Variants in EPHB2 observed in about 807,000 individuals in gnomAD.
EPHB2 encodes the protein EPH receptor B2, also known as ephrin type-B receptor 2.
In EPHB2, 18 loss-of-function variants were observed where a neutral mutation model predicts 96.4. The ratio of observed to expected loss-of-function variants is 0.19; its 90% confidence interval spans 0.13 to 0.28. The LOEUF is 0.28. Among genes scored for constraint, EPHB2 ranks in the 10% least tolerant of loss-of-function variants. The pLI is 1.00. For missense variants in EPHB2, 989 were observed against 1,355.4 expected, an observed-to-expected ratio of 0.73 and a Z score of 4.25; for synonymous variants, 506 against 534.1, an observed-to-expected ratio of 0.95 and a Z score of 0.72.
intron 2 of EPHB2, among the ~76,000 whole-genome samples, chr1:22,782,051 A>G (rs902524545): frequency 2.0e-5 from 3 of 152,022 alleles, no homozygotes; most frequent in Non-Finnish European, 4.4e-5. Flanking sequence ...TTATCATCCT[A>G]GGGTCTATGC....
chr1:22,740,962 T>C (rs1419268396), intron 1 of EPHB2, among the ~76,000 whole-genome samples: 2 of 151,984 alleles, frequency 1.3e-5, no homozygotes, highest in African/African-American at 4.8e-5. Flanking sequence ...GCATGAGCCG[T>C]CCCTGCGATG....
At chr1:22,895,380 A>T in intron 7 of EPHB2, 92 bp from the exon 8 acceptor site, 2 of 1,206,380 alleles carry the variant, frequency 1.7e-6, no homozygotes, top group Non-Finnish European at 1.2e-6. Context: ...TAGGGATCCC[A>T]GGAGACCCAG....
chr1:22,812,459 G>A (rs1402769400), intron 3 of EPHB2, among the ~76,000 whole-genome samples: 2 of 152,216 alleles, frequency 1.3e-5, no homozygotes, highest in African/African-American at 4.8e-5. Context: ...CACAGCAGGA[G>A]GGGTGTGGTA....
chr1:22,868,159 G>A (rs1316406373), intron 5 of EPHB2, among the ~76,000 whole-genome samples: 1 of 152,196 alleles, frequency 6.6e-6, no homozygotes, highest in Non-Finnish European at 1.5e-5. Flanking sequence ...GTGGTTCTGG[G>A]CTGCTGGGAT....
intron 3 of EPHB2, among the ~76,000 whole-genome samples, chr1:22,823,822 T>C (rs1645186048): frequency 6.6e-6 from 1 of 152,198 alleles, no homozygotes. Context: ...GCCTGGCACA[T>C]AGTAGGTGTT....
At chr1:22,774,488 C>A in intron 1 of EPHB2, 1 of 845,826 alleles carries the variant, frequency 1.2e-6, no homozygotes, top group Non-Finnish European at 1.4e-6. Flanking sequence ...AGAAGTTAGC[C>A]AGGCTAACAA....
At chr1:22,800,390 C>T (rs1368739135) in intron 3 of EPHB2, 1 of 152,232 alleles carries the variant, frequency 6.6e-6, no homozygotes, top group Non-Finnish European at 1.5e-5. Flanking sequence ...TGGTGTGTTC[C>T]TGTGTCTGCC....
chr1:22,823,194 G>A (rs1417876633), intron 3 of EPHB2, among the ~76,000 whole-genome samples: 1 of 152,150 alleles, frequency 6.6e-6, no homozygotes, highest in Non-Finnish European at 1.5e-5. Context: ...CAACTGCCTC[G>A]CTCCTCTAAG....
chr1:22,835,549 A>G (rs1645368815), intron 3 of EPHB2, among the ~76,000 whole-genome samples: 1 of 152,250 alleles, frequency 6.6e-6, no homozygotes, highest in Admixed American at 6.5e-5. Flanking sequence ...ACATGCATGC[A>G]TGTGGGCATG....
chr1:22,892,211 C>T (rs1019484945), intron 6 of EPHB2, among the ~76,000 whole-genome samples: 3 of 152,100 alleles, frequency 2.0e-5, no homozygotes, highest in Admixed American at 6.6e-5. Context: ...AGGGCTCTTA[C>T]GCTTAACTCA....
chr1:22,778,128 C>T (rs1644478304), intron 1 of EPHB2, among the ~76,000 whole-genome samples: 1 of 152,170 alleles, frequency 6.6e-6, no homozygotes, highest in Admixed American at 6.5e-5. Flanking sequence ...TGGGTTCAAG[C>T]AATTTTCATG....
chr1:22,854,219 C>T (rs1354435541), intron 3 of EPHB2, among the ~76,000 whole-genome samples: 1 of 152,120 alleles, frequency 6.6e-6, no homozygotes. Context: ...TTAGAAAGAA[C>T]ATGGACTAAG....
At chr1:22,779,983 T>C (rs570896722) in intron 1 of EPHB2, among the ~76,000 whole-genome samples, 48 of 152,236 alleles carry the variant, frequency 3.2e-4, no homozygotes, top group African/African-American at 1.2e-3. Context: ...TCATAGCTAT[T>C]TATATTCACA....
At chr1:22,763,628 G>A (rs1557659923) in intron 1 of EPHB2, among the ~76,000 whole-genome samples, 1 of 152,160 alleles carries the variant, frequency 6.6e-6, no homozygotes. Context: ...GCCATCACGG[G>A]GTGTGAGAGA....
chr1:22,886,849 C>T (rs1639241692), intron 6 of EPHB2, among the ~76,000 whole-genome samples: 1 of 152,058 alleles, frequency 6.6e-6, no homozygotes, highest in African/African-American at 2.4e-5. Context: ...TGGTCTCAAA[C>T]TTCTGACCTC....
intron 1 of EPHB2, among the ~76,000 whole-genome samples, chr1:22,755,538 T>C (rs912773064): frequency 6.6e-6 from 1 of 152,104 alleles, no homozygotes; most frequent in South Asian, 2.1e-4. Context: ...TTCTTGATAG[T>C]AGACAAATGG....
intron 1 of EPHB2, among the ~76,000 whole-genome samples, chr1:22,763,426 G>A (rs1644262043): frequency 6.6e-6 from 1 of 152,112 alleles, no homozygotes; most frequent in South Asian, 2.1e-4. Context: ...CAGTCACACA[G>A]GACCAGCACC....
intron 5 of EPHB2, among the ~76,000 whole-genome samples, chr1:22,866,865 T>C (rs975546295): frequency 2.0e-5 from 3 of 151,600 alleles, no homozygotes; most frequent in African/African-American, 7.3e-5. Context: ...ACCCGGGAGG[T>C]GAATGTTGCA....
chr1:22,805,774 G>A (rs138345991), intron 3 of EPHB2, among the ~76,000 whole-genome samples: 73 of 152,306 alleles, frequency 4.8e-4, no homozygotes, highest in African/African-American at 1.6e-3. Flanking sequence ...GCTCACTAGC[G>A]CATATGTGCC....
Sources: allele counts gnomAD v4.1 joint callset (sites outside exome capture counted in the v4.1 genomes callset), GRCh38; gene constraint gnomAD v4.1.1; transcripts MANE v1.5; gene names NCBI Gene and HGNC (gene_info 2026-07-23, HGNC 2026-07-21).